The following FAM53B variants were observed in gnomAD, a reference collection of about 807,000 sequenced individuals.
FAM53B encodes the protein protein FAM53B.
A neutral mutation model predicts 32.7 loss-of-function variants in FAM53B; 12 were observed. The ratio of observed to expected loss-of-function variants is 0.37; its 90% CI spans 0.24 to 0.59. FAM53B has a LOEUF of 0.59. Ranked by LOEUF, FAM53B falls within the 20% of genes least tolerant of loss-of-function variation. The pLI is 0.72. For synonymous variants in FAM53B, 234 were observed against 228.7 expected (o/e 1.02, Z -0.21); for missense variants, 477 against 577.7 (o/e 0.83, Z 1.79).
intron 4 of FAM53B, among the ~76,000 whole-genome samples, chr10:124,676,912 G>T (rs1313363974): frequency 6.6e-6 from 1 of 152,154 alleles, no homozygotes; most frequent in Non-Finnish European, 1.5e-5. Flanking sequence ...CTGTTCTGAG[G>T]CCTGCTCAGG....
At chr10:124,743,980 A>G (rs190736098) in intron 1 of FAM53B, 33 bp downstream of exon 1, 4 of 147,254 alleles carry the variant, frequency 2.7e-5, no homozygotes, top group African/African-American at 1.0e-4. Context: ...CCCCCCGGCC[A>G]CCGCCGCCGC....
In FAM53B at chr10:124,706,745, A is replaced by C; in HGVS notation, c.-32T>G. ...GGCCTCAGGCGCTGGGCTCCATCCC[A>C]GGGTGGGTATCAGCCATCTTCACTT... is the stretch of plus-strand genomic sequence containing the variant. On this transcript the variant is annotated 5_prime_UTR_variant, in exon 2 of 5. Coordinates refer to ENST00000337318, the MANE Select transcript of FAM53B (RefSeq NM_014661.4). 4 of 1,613,992 alleles carry C rather than the reference A, an allele frequency of 2.5e-6. No individual in the cohort carries two copies. In the South Asian group the frequency reaches 4.4e-5, roughly 18 times the overall value.
rs113814505 is a variant in FAM53B, at chr10:124,706,505, C to A, written c.78+131G>T. ...TGTGCCCTGTTGCCCCAGCCCGGGA[C>A]GCCTCACAGAGCTTTGCTCTTGGGG... On this transcript the variant is annotated intron_variant, in intron 2 of 4. Coordinates refer to ENST00000337318, the MANE Select transcript of FAM53B (RefSeq NM_014661.4). 34 of 1,084,416 alleles carry A rather than the reference C, an allele frequency of 3.1e-5. No homozygotes were observed. In the African/African-American group the frequency reaches 5.3e-4, roughly 17 times the overall value. The allele number at this position is 1,084,416 out of a possible 1,614,324, so 67.2% of individuals were successfully genotyped here. A position where few individuals can be genotyped will look rare whatever the true frequency, so the allele number is the denominator to read the frequency against.
intron 1 of FAM53B, among the ~76,000 whole-genome samples, chr10:124,736,826 C>T (rs1457972301): frequency 2.0e-5 from 3 of 152,256 alleles, no homozygotes; most frequent in Non-Finnish European, 4.4e-5. Context: ...CTCGAGGGCC[C>T]ACCCACGCCC....
chr10:124,629,149 G>C lies in FAM53B; in HGVS notation c.907-5545C>G, dbSNP rs542619819. ...TCAGAGACTGGCCACGGGGCCCTGT[G>C]GGGAGTCCAGTTCCTGGCCCCAGCC... On this transcript the variant is annotated intron_variant, in intron 4 of 4. Coordinates refer to ENST00000337318, the MANE Select transcript of FAM53B (RefSeq NM_014661.4). Among the ~76,000 whole-genome samples the C allele has an allele frequency of 1.1e-4, 17 of 152,362 alleles. No individual in the cohort carries two copies. The East Asian group carries it at 2.5e-3, about 22-fold the overall frequency.
At chr10:124,667,538 C>T (rs940863376) in intron 4 of FAM53B, 1 of 689,400 alleles carries the variant, frequency 1.5e-6, no homozygotes, top group Admixed American at 2.1e-5. Context: ...CAGAGGCTGC[C>T]CTCTGAGCCT....
intron 1 of FAM53B, among the ~76,000 whole-genome samples, chr10:124,742,123 CTTAGCTTT>C (rs1950203818): frequency 6.6e-6 from 1 of 152,186 alleles, no homozygotes; most frequent in African/African-American, 2.4e-5. Flanking sequence ...CACGCCTCTC[CTTAGCTTT>C]TTAACCTGAA....
At chr10:124,688,285 G>A (rs997512665) in intron 3 of FAM53B, among the ~76,000 whole-genome samples, 6 of 152,220 alleles carry the variant, frequency 3.9e-5, no homozygotes, top group South Asian at 2.1e-4. Context: ...AGCAGAGCGC[G>A]ATGGCCCACA....
Position 124,681,885 on chromosome 10 carries a change from T to C in FAM53B, c.628A>G (p.Thr210Ala), listed in dbSNP as rs1230056018. ...GSAPCGQAGDTWSPDLHPVGG... is the reference protein window; with the variant it reads ...GSAPCGQAGDAWSPDLHPVGG... ...ACGGGGTGCAGGTCAGGGCTCCAGG[T>C]GTCACCTGCCTGTCCACACGGGGCT... The change falls in exon 4 of 5, where the codon ACC (threonine) becomes GCC (alanine). Residue 210 changes from threonine (T) to alanine (A), a missense_variant. Thr to Ala is a moderately conservative substitution (Grantham distance 58, BLOSUM62 0). This residue lies in a region of FAM53B where 312 missense variants were observed against 420.2 expected (regional missense o/e 0.74). Coordinates refer to ENST00000337318, the MANE Select transcript of FAM53B (RefSeq NM_014661.4). 6.2e-7 allele frequency: 1 copy of C among 1,613,632 alleles called. No homozygotes were observed. The highest frequency in any genetic ancestry group is 1.1e-5 in the South Asian group (1 of 91,034).
At chr10:124,720,791 TAAC>T in intron 1 of FAM53B, among the ~76,000 whole-genome samples, 1 of 152,306 alleles carries the variant, frequency 6.6e-6, no homozygotes, top group African/African-American at 2.4e-5. Context: ...TGAAAACTAT[TAAC>T]AACTGATGGA....
chr10:124,699,460 C>T (rs1949899064), intron 2 of FAM53B, among the ~76,000 whole-genome samples: 1 of 152,258 alleles, frequency 6.6e-6, no homozygotes, highest in Admixed American at 6.5e-5. Context: ...CTGGCCTCCT[C>T]ATGCCGGTCT....
Position 124,744,300 on chromosome 10 carries a change from G to C in FAM53B, c.-462C>G, listed in dbSNP as rs1488499585. 1.4e-5 allele frequency: 2 copies of C among 147,678 alleles called. No individual in the cohort carries two copies. Among genetic ancestry groups the C allele is most frequent in the Non-Finnish European group, 1.5e-5 (1 of 66,130 alleles). 9.1% of individuals were successfully genotyped at this position (147,678 alleles called of 1,614,324 possible). On this transcript the variant is annotated 5_prime_UTR_variant, in exon 1 of 5. Transcript: ENST00000337318. ...GGCCCGGCGCTTAGCGGGCGGTGTC[G>C]CGGGCCCGGGCGCTAGGCGCGGCGG... is the stretch of plus-strand genomic sequence containing the variant.
Position 124,706,742 on chromosome 10 carries a change from C to T in FAM53B, c.-29G>A, listed in dbSNP as rs1329337058. The T allele has an allele frequency of 6.2e-7, 1 of 1,613,910 alleles. No homozygotes were observed. The highest frequency in any genetic ancestry group is 2.2e-5 in the East Asian group (1 of 44,874). ...AAGGGCCTCAGGCGCTGGGCTCCAT[C>T]CCAGGGTGGGTATCAGCCATCTTCA... On this transcript the variant is annotated 5_prime_UTR_variant, in exon 2 of 5. Coordinates refer to ENST00000337318, the MANE Select transcript of FAM53B (RefSeq NM_014661.4).
intron 4 of FAM53B, among the ~76,000 whole-genome samples, chr10:124,668,390 T>C (rs1949686952): frequency 6.6e-6 from 1 of 152,258 alleles, no homozygotes; most frequent in South Asian, 2.1e-4. Context: ...CCATCAATTC[T>C]CAGAAAATTC....
intron 4 of FAM53B, among the ~76,000 whole-genome samples, chr10:124,666,062 A>T (rs181646836): frequency 5.4e-4 from 82 of 152,294 alleles, no homozygotes; most frequent in Middle Eastern, 3.4e-3. Flanking sequence ...ATGCATGCTG[A>T]TTTGAACCAG....
intron 4 of FAM53B, among the ~76,000 whole-genome samples, chr10:124,672,361 G>A (rs1164491321): frequency 1.3e-5 from 2 of 152,256 alleles, no homozygotes; most frequent in Non-Finnish European, 2.9e-5. Context: ...GGCTTCCCAC[G>A]AGGCGTTCTC....
At chr10:124,665,486 G>A (rs112189394) in intron 4 of FAM53B, among the ~76,000 whole-genome samples, 3 of 152,322 alleles carry the variant, frequency 2.0e-5, no homozygotes, top group African/African-American at 7.2e-5. Context: ...CCAGTGCTAG[G>A]CCCTGCACAT....
At chr10:124,626,781 G>A (rs969459437) in intron 4 of FAM53B, among the ~76,000 whole-genome samples, 6 of 152,186 alleles carry the variant, frequency 3.9e-5, no homozygotes, top group Admixed American at 6.5e-5. Flanking sequence ...GCCTCACTGC[G>A]CCCTGGAAGG....
intron 4 of FAM53B, among the ~76,000 whole-genome samples, chr10:124,660,693 C>CA (rs1949625631): frequency 6.6e-6 from 1 of 152,218 alleles, no homozygotes; most frequent in East Asian, 1.9e-4. Flanking sequence ...CAAGCAAATC[C>CA]AGTGACTTTC....
Sources: allele counts gnomAD v4.1 joint callset (sites outside exome capture counted in the v4.1 genomes callset), GRCh38; gene constraint gnomAD v4.1.1; regional missense constraint gnomAD v4.1.1; transcripts MANE v1.5; gene names NCBI Gene and HGNC (gene_info 2026-07-23, HGNC 2026-07-21).